Variants in POLRMT observed in about 807,000 individuals in gnomAD.
POLRMT encodes RNA polymerase mitochondrial.
Under a neutral mutation model 132.2 loss-of-function variants are expected in POLRMT, and 114 were observed. The observed-to-expected ratio is 0.86, with a 90% CI of 0.74 to 1.01. The LOEUF is 1.01. Ranked by LOEUF, POLRMT falls within the 50% of genes least tolerant of loss-of-function variation. The probability of loss-of-function intolerance (pLI) is 0.00; values close to 1 mark genes in which losing one functional copy is unlikely to be tolerated. For missense variants in POLRMT, 2,003 were observed against 1,729.1 expected, an observed-to-expected ratio of 1.16 and a Z score of -2.81; for synonymous variants, 1,020 against 773.4, an observed-to-expected ratio of 1.32 and a Z score of -5.29.
Position 623,471 on chromosome 19 carries a change from T to C in POLRMT, c.1273A>G (p.Lys425Glu), listed in dbSNP as rs1475670333. Residue 425 changes from lysine (K) to glutamate (E), a missense_variant, in exon 6 of 21, where the codon AAG becomes GAG. Transcript: ENST00000588649. ...VSVEKPTLPS[K>E]EVKHARKTLK... The stretch of plus-strand genomic sequence containing the variant: ...GCCCCTACCGCGTGCTTGACCTCCT[T>C]GCTTGGCAACGTGGGCTTCTCCACG... 6.2e-7 allele frequency: 1 copy of C among 1,612,184 alleles called. No homozygotes were observed.
Position 633,068 on chromosome 19 carries a change from A to T in POLRMT, c.89-130T>A, listed in dbSNP as rs572601494. 1.2e-4 allele frequency: 83 copies of T among 715,662 alleles called. No individual in the cohort carries two copies. In the African/African-American group the frequency reaches 1.4e-3, roughly 12 times the overall value. The allele number at this position is 715,662 out of a possible 1,614,324, so 44.3% of individuals were successfully genotyped here. On this transcript the variant is annotated intron_variant, in intron 1 of 20. Coordinates refer to ENST00000588649, the MANE Select transcript of POLRMT (RefSeq NM_005035.4). Reference sequence around the variant, plus strand: ...CGGAAACTCTCGGAGCACGGGCTTAAGTTGGAAAGAAACTAAGACAGCGAA... The same window carrying T: ...CGGAAACTCTCGGAGCACGGGCTTATGTTGGAAAGAAACTAAGACAGCGAA...
intron 3 of POLRMT, among the ~76,000 whole-genome samples, chr19:627,097 T>C (rs1281766400): frequency 6.6e-6 from 1 of 151,110 alleles, no homozygotes; most frequent in Non-Finnish European, 1.5e-5. Flanking sequence ...GAAGACATGC[T>C]GTGACATGAG....
At chr19:618,032 G>T (rs964862358) in intron 17 of POLRMT, 183 bp from the exon 18 acceptor site, 1 of 606,588 alleles carries the variant, frequency 1.6e-6, no homozygotes, top group Non-Finnish European at 2.9e-6. Flanking sequence ...TCAGTACAGG[G>T]GGAGGAAATG....
At position 626,886 on chromosome 19, in the gene POLRMT, T is replaced by TACACACACACACACACACACAC. The variant is rs143170943; in HGVS notation, c.823-1633_823-1632insGTGTGTGTGTGTGTGTGTGTGT. On this transcript the variant is annotated intron_variant, in intron 3 of 20. Coordinates refer to ENST00000588649, the MANE Select transcript of POLRMT (RefSeq NM_005035.4). ...GACTTGGAGACTCTGTCTTAAAATA[T>TACACACACACACACACACACAC]ACACACACACACATATATATATATA... Among the ~76,000 whole-genome samples, 106 of 143,700 alleles carry TACACACACACACACACACACAC rather than the reference T, an allele frequency of 7.4e-4. 1 individual carries two copies. The highest frequency in any genetic ancestry group is 2.7e-3 in the African/African-American group (102 of 38,244). The allele number at this position is 143,700 out of a possible 152,430, so 94.3% of individuals were successfully genotyped here. A position where few individuals can be genotyped will look rare whatever the true frequency, so the allele number is the denominator to read the frequency against.
rs769254824 is a variant in POLRMT at position 619,579 on chromosome 19, G to A, written c.3066+7C>T. ...AACGTGTTCGCAGCGCGACATGCCTGGCGCACCTGGGGAAAGTCGCTCAGC... is the reference window on the plus strand; with the variant it reads ...AACGTGTTCGCAGCGCGACATGCCTAGCGCACCTGGGGAAAGTCGCTCAGC... On this transcript the variant is annotated splice_region_variant and intron_variant, in intron 13 of 20. Coordinates refer to ENST00000588649, the MANE Select transcript of POLRMT (RefSeq NM_005035.4). 2.5e-6 allele frequency: 4 copies of A among 1,611,438 alleles called. No individual in the cohort carries two copies. Among genetic ancestry groups the A allele is most frequent in the Middle Eastern group, 3.7e-4 (2 of 5,372 alleles).
intron 3 of POLRMT, among the ~76,000 whole-genome samples, chr19:626,898 C>CATATATATATAT (rs113561619): frequency 2.2e-4 from 33 of 146,696 alleles, no homozygotes; most frequent in African/African-American, 8.4e-4. Flanking sequence ...CACACACACA[C>CATATATATATAT]ATATATATAT....
chr19:629,108 G>C (rs1300835267), intron 3 of POLRMT, among the ~76,000 whole-genome samples: 1 of 152,190 alleles, frequency 6.6e-6, no homozygotes, highest in Non-Finnish European at 1.5e-5. Context: ...GCTGTGCTCA[G>C]AGGGAATGCG....
chr19:627,827 C>T (rs1277762455), intron 3 of POLRMT, among the ~76,000 whole-genome samples: 3 of 149,250 alleles, frequency 2.0e-5, no homozygotes, highest in African/African-American at 2.5e-5. Flanking sequence ...CAGGAGGCTG[C>T]GGCAGGGAGA....
Position 618,252 on chromosome 19 carries a change from G to A in POLRMT, c.3422+236C>T, listed in dbSNP as rs373880377. On this transcript the variant is annotated intron_variant, in intron 17 of 20. Coordinates refer to ENST00000588649, the MANE Select transcript of POLRMT (RefSeq NM_005035.4). ...TCGCGGTGCCAAGAAATGCCCAGCA[G>A]GAAGGGGCAGCGCCCATGCTCGGCT... 74 of 562,800 alleles carry A rather than the reference G, an allele frequency of 1.3e-4. No individual in the cohort carries two copies. In the East Asian group the frequency reaches 2.0e-3, roughly 15 times the overall value. The allele number at this position is 562,800 out of a possible 1,614,324, so 34.9% of individuals were successfully genotyped here. A position where few individuals can be genotyped will look rare whatever the true frequency, so the allele number is the denominator to read the frequency against.
At chr19:633,028 G>T in intron 1 of POLRMT, 90 bp from the exon 2 acceptor site, 1 of 922,524 alleles carries the variant, frequency 1.1e-6, no homozygotes, top group Non-Finnish European at 1.5e-6. Context: ...AAGGGCAAAG[G>T]AGCCCTAAAC....
rs778880802 is a variant in POLRMT at position 617,668 on chromosome 19, C to T, written c.3496-13G>A. The T allele has an allele frequency of 2.5e-6, 4 of 1,612,538 alleles. No homozygotes were observed. The highest frequency in any genetic ancestry group is 3.4e-6 in the Non-Finnish European group (4 of 1,179,916). ...GCTCCCGGCACACCTGGGCAGGAGTCAGAGGATCCCCAGGGGTGATCAGGC... is the reference window on the plus strand; with the variant it reads ...GCTCCCGGCACACCTGGGCAGGAGTTAGAGGATCCCCAGGGGTGATCAGGC... On this transcript the variant is annotated splice_polypyrimidine_tract_variant and intron_variant, in intron 18 of 20. Coordinates refer to ENST00000588649, the MANE Select transcript of POLRMT (RefSeq NM_005035.4).
intron 2 of POLRMT, 71 bp downstream of exon 2, chr19:632,763 G>A (rs926423495): frequency 1.5e-6 from 2 of 1,328,426 alleles, no homozygotes; most frequent in African/African-American, 3.0e-5. Flanking sequence ...CAGAATCTGA[G>A]CCTTTGCCTT....
intron 9 of POLRMT, 79 bp downstream of exon 9, chr19:622,070 G>A (rs914346586): frequency 1.8e-5 from 24 of 1,346,770 alleles, no homozygotes; most frequent in East Asian, 7.6e-5. Context: ...TCAAGGCTCC[G>A]CCCAAAGGCG....
At chr19:628,635 G>GT (rs374767814) in intron 3 of POLRMT, among the ~76,000 whole-genome samples, 4 of 143,272 alleles carry the variant, frequency 2.8e-5, no homozygotes, top group East Asian at 1.9e-4. Context: ...GGATCATGGG[G>GT]GGGGAGAAAG....
chr19:627,237 T>C (rs1045559028), intron 3 of POLRMT, among the ~76,000 whole-genome samples: 1 of 149,902 alleles, frequency 6.7e-6, no homozygotes, highest in Non-Finnish European at 1.5e-5. Flanking sequence ...CTGCAAGCTC[T>C]GCCTCCCAGG....
intron 3 of POLRMT, 37 bp downstream of exon 3, chr19:629,503 G>T: frequency 6.8e-7 from 1 of 1,473,786 alleles, no homozygotes; most frequent in South Asian, 1.5e-5. Context: ...TGTCTCCAAC[G>T]ACCAGGGCAG....
rs570211510 is a variant in POLRMT at position 627,108 on chromosome 19, G to A, written c.823-1854C>T. ...AGCTGAAGACATGCTGTGACATGAGGTGGCCACACACCAGAGACCAGAGAC... is the reference window on the plus strand; with the variant it reads ...AGCTGAAGACATGCTGTGACATGAGATGGCCACACACCAGAGACCAGAGAC... On this transcript the variant is annotated intron_variant, in intron 3 of 20. Coordinates refer to ENST00000588649, the MANE Select transcript of POLRMT (RefSeq NM_005035.4). Among the ~76,000 whole-genome samples the A allele has an allele frequency of 1.4e-4, 21 of 150,780 alleles. No homozygotes were observed. In the South Asian group the frequency reaches 4.2e-3, roughly 30 times the overall value.
chr19:619,188 G>A (rs369358529), intron 14 of POLRMT, 22 bp downstream of exon 14: 10 of 1,610,834 alleles, frequency 6.2e-6, no homozygotes, highest in South Asian at 4.4e-5. Context: ...TCCTGGCCGA[G>A]CGGGGACAGG....
chr19:618,850 C>G (rs1228600134), intron 15 of POLRMT, 90 bp from the exon 16 acceptor site: 4 of 1,459,638 alleles, frequency 2.7e-6, no homozygotes, highest in African/African-American at 1.4e-5. Context: ...TAGTGGCACG[C>G]TAGGATGGTG....
Sources: allele counts gnomAD v4.1 joint callset (sites outside exome capture counted in the v4.1 genomes callset), GRCh38; gene constraint gnomAD v4.1.1; transcripts MANE v1.5; gene names NCBI Gene and HGNC (gene_info 2026-07-23, HGNC 2026-07-21).